CDKN2B-AS1: variants seen among roughly 807,000 people sequenced by gnomAD.
CDKN2B-AS1 encodes CDKN2B antisense RNA 1 (non-protein coding).
chr9:22,119,116 A>G (rs1356534397), intron 4 of CDKN2B-AS1: 1 of 151,790 alleles, frequency 6.6e-6, no homozygotes, highest in East Asian at 1.9e-4. Context: ...CAGTTTCCTC[A>G]TTCAATATGG....
At chr9:22,116,401 C>T (rs966348770) in intron 4 of CDKN2B-AS1, among the ~76,000 whole-genome samples, 2 of 152,140 alleles carry the variant, frequency 1.3e-5, no homozygotes, top group African/African-American at 4.8e-5. Flanking sequence ...CCTCACAATG[C>T]ATAACAGACC....
chr9:22,101,928 G>A lies in CDKN2B-AS1; in HGVS notation n.439-25175G>A, dbSNP rs756593197. Among the ~76,000 whole-genome samples the A allele has an allele frequency of 2.0e-5, 3 of 152,158 alleles. No individual in the cohort carries two copies. The East Asian group carries it at 5.8e-4, about 29-fold the overall frequency. On this transcript the variant is annotated intron_variant and non_coding_transcript_variant, in intron 4 of 4. Transcript: ENST00000650946. ...CATGTTCTTGGTTCGGTCATGAACT[G>A]TCTATGGCACATACCTTAAATACTG...
At chr9:22,088,452 CA>C (rs1824941198) in intron 4 of CDKN2B-AS1, among the ~76,000 whole-genome samples, 3 of 151,970 alleles carry the variant, frequency 2.0e-5, no homozygotes, top group African/African-American at 7.3e-5. Flanking sequence ...CACACACACA[CA>C]CACACACACA....
chr9:22,112,600 T>C (rs10511701), intron 4 of CDKN2B-AS1, among the ~76,000 whole-genome samples: 89,275 of 152,040 alleles, frequency 0.59, 26,943 homozygotes, highest in African/African-American at 0.73. Context: ...GTGCAATTTA[T>C]AGAAGGTAGT....
chr9:22,125,306 T>A (rs922775789), intron 4 of CDKN2B-AS1, among the ~76,000 whole-genome samples: 1 of 152,224 alleles, frequency 6.6e-6, no homozygotes, highest in Non-Finnish European at 1.5e-5. Flanking sequence ...ATTGGTAATA[T>A]CCAATAAAGA....
intron 4 of CDKN2B-AS1, among the ~76,000 whole-genome samples, chr9:22,087,663 A>G (rs2131337587): frequency 6.6e-6 from 1 of 152,288 alleles, no homozygotes; most frequent in South Asian, 2.1e-4. Flanking sequence ...GTTTAGTCTG[A>G]TGTTTTCCTA....
chr9:22,105,485 A>C (rs1825627175), intron 4 of CDKN2B-AS1, among the ~76,000 whole-genome samples: 1 of 152,034 alleles, frequency 6.6e-6, no homozygotes, highest in Non-Finnish European at 1.5e-5. Context: ...ATGAATCTCT[A>C]TTTTTGCATG....
chr9:22,092,417 C>G (rs1825123760), intron 4 of CDKN2B-AS1: 1 of 152,152 alleles, frequency 6.6e-6, no homozygotes, highest in Non-Finnish European at 1.5e-5. Flanking sequence ...CCTCTTTGTA[C>G]CTCTGGTAGA....
At chr9:22,067,860 A>G (rs899666635) in intron 4 of CDKN2B-AS1, among the ~76,000 whole-genome samples, 74 of 152,324 alleles carry the variant, frequency 4.9e-4, no homozygotes, top group African/African-American at 1.6e-3. Flanking sequence ...AGGCAAAGGA[A>G]TCAATGAAAT....
rs1050361809 is a variant in CDKN2B-AS1, at chr9:22,000,779, G to T, written n.29+5618G>T. 6.6e-6 allele frequency among the ~76,000 whole-genome samples: 1 copy of T among 151,994 alleles called. No homozygotes were observed. Among genetic ancestry groups the T allele is most frequent in the Non-Finnish European group, 1.5e-5 (1 of 67,972 alleles). ...ATAATAACAAACAATAACAGTACTT[G>T]CAGCTTAATTAAAGAAAAAATGCAA... On this transcript the variant is annotated intron_variant and non_coding_transcript_variant, in intron 1 of 4. Coordinates refer to ENST00000650946, the Ensembl canonical transcript of CDKN2B-AS1. This position sits in a 1 kb window ranked among gnomAD's most constrained non-coding sequence, Gnocchi z 4.1.
intron 4 of CDKN2B-AS1, among the ~76,000 whole-genome samples, chr9:22,091,432 C>T (rs1008640805): frequency 3.3e-5 from 5 of 152,148 alleles, no homozygotes; most frequent in African/African-American, 1.2e-4. Context: ...TGGCCATTTT[C>T]ATGTTATTGA....
chr9:22,056,212 G>GTGTGTATATA (rs1285848864), intron 3 of CDKN2B-AS1: 1 of 124,138 alleles, frequency 8.1e-6, no homozygotes. Flanking sequence ...ATGTGTGTGT[G>GTGTGTATATA]TATATATATA....
chr9:22,016,817 G>A (rs377601478), intron 1 of CDKN2B-AS1, among the ~76,000 whole-genome samples: 9 of 152,152 alleles, frequency 5.9e-5, no homozygotes, highest in African/African-American at 1.2e-4. Flanking sequence ...TTAAAGAGTC[G>A]TAGCATCTTT....
downstream of CDKN2B-AS1, among the ~76,000 whole-genome samples, chr9:22,128,105 C>G (rs1239277435): frequency 6.6e-6 from 1 of 152,072 alleles, no homozygotes; most frequent in African/African-American, 2.4e-5. Context: ...TATATTGGAT[C>G]AATATATATT....
At chr9:22,014,455 G>C (rs1821652731) in intron 1 of CDKN2B-AS1, among the ~76,000 whole-genome samples, 1 of 152,088 alleles carries the variant, frequency 6.6e-6, no homozygotes, top group African/African-American at 2.4e-5. Flanking sequence ...ATAAGCCACT[G>C]TGCCTGGCCT....
chr9:22,079,793 G>A lies in CDKN2B-AS1; in HGVS notation n.438+23406G>A, dbSNP rs79708861. Among the ~76,000 whole-genome samples the A allele has an allele frequency of 8.0e-3, 1,219 of 152,164 alleles. 81 individuals are homozygous for A. In the East Asian group the frequency reaches 0.16, roughly 20 times the overall value. On this transcript the variant is annotated intron_variant and non_coding_transcript_variant, in intron 4 of 4. Transcript: ENST00000650946. ...CAGATGCCCATGTCCCTTCTCCACCGGCATAGCTTGTTTTCTTCTTAATCT... is the reference window on the plus strand; with the variant it reads ...CAGATGCCCATGTCCCTTCTCCACCAGCATAGCTTGTTTTCTTCTTAATCT...
chr9:22,017,968 A>G (rs529562802), intron 1 of CDKN2B-AS1, among the ~76,000 whole-genome samples: 1 of 152,328 alleles, frequency 6.6e-6, no homozygotes, highest in South Asian at 2.1e-4. Context: ...GTTAGAATCT[A>G]GTGCATTTCA....
intron 1 of CDKN2B-AS1, among the ~76,000 whole-genome samples, chr9:22,016,945 C>T (rs189426702): frequency 1.3e-5 from 2 of 152,316 alleles, no homozygotes; most frequent in Admixed American, 6.5e-5. Flanking sequence ...TATCTTTGGC[C>T]AGTGGGAGCC....
At chr9:22,127,533 G>A (rs1034007450) in exon 5 of CDKN2B-AS1, among the ~76,000 whole-genome samples, 4 of 152,124 alleles carry the variant, frequency 2.6e-5, no homozygotes, top group Admixed American at 6.6e-5. Context: ...AGGAAAAGAT[G>A]GTCATTGTTT....
Sources: gnomAD v4.1 joint callset for allele counts (sites outside exome capture counted in the v4.1 genomes callset) on GRCh38, gnomAD v4.1.1 for gene constraint, Gnocchi (gnomAD v3.1) non-coding constraint, MANE v1.5 for transcripts, NCBI Gene and HGNC (gene_info 2026-07-23, HGNC 2026-07-21) for gene names.